Variants in COMMD1 observed in about 807,000 individuals in gnomAD.
COMMD1 encodes copper metabolism domain containing 1.
In COMMD1, 10 loss-of-function variants were observed where a neutral mutation model predicts 17.2. That is an observed-to-expected ratio of 0.58 (90% CI 0.36 to 0.99). The LOEUF (loss-of-function observed/expected upper bound fraction) is 0.99, where lower values mean the gene tolerates loss of function less well. Among genes scored for constraint, COMMD1 ranks in the 50% least tolerant of loss-of-function variants. COMMD1 has a pLI of 0.01. For missense variants in COMMD1, 270 were observed against 231.8 expected (o/e 1.17, Z -1.07); for synonymous variants, 97 against 91.6 (o/e 1.06, Z -0.34).
intron 2 of COMMD1, chr2:62,055,481 G>GTA: frequency 2.2e-6 from 1 of 455,990 alleles, no homozygotes; most frequent in South Asian, 1.5e-5. Context: ...AGCCCACTTT[G>GTA]TATATGTGGC....
intron 2 of COMMD1, among the ~76,000 whole-genome samples, chr2:62,059,858 G>T (rs971466023): frequency 1.3e-5 from 2 of 152,170 alleles, no homozygotes; most frequent in Non-Finnish European, 1.5e-5. Flanking sequence ...TTAGTATGTT[G>T]ACATGGTTGG....
intron 1 of COMMD1, among the ~76,000 whole-genome samples, chr2:61,944,748 T>C (rs1295889153): frequency 6.6e-6 from 1 of 152,132 alleles, no homozygotes; most frequent in Non-Finnish European, 1.5e-5. Context: ...GAAAACTCCA[T>C]AAAGAAAACA....
At chr2:62,002,619 G>C (rs527519872) in intron 2 of COMMD1, among the ~76,000 whole-genome samples, 1 of 151,544 alleles carries the variant, frequency 6.6e-6, no homozygotes, top group East Asian at 1.9e-4. Context: ...CTTGAGGTCA[G>C]GAGTTCAAGA....
intron 2 of COMMD1, among the ~76,000 whole-genome samples, chr2:62,068,116 C>T (rs1312240289): frequency 6.6e-6 from 1 of 152,144 alleles, no homozygotes; most frequent in East Asian, 1.9e-4. Context: ...CACTATAATA[C>T]TATATAGAGT....
At chr2:62,004,054 GA>G (rs1385565524) in intron 2 of COMMD1, among the ~76,000 whole-genome samples, 2 of 152,092 alleles carry the variant, frequency 1.3e-5, no homozygotes, top group East Asian at 3.9e-4. Context: ...CTTGAGCCCG[GA>G]AGGCGGAGGT....
intron 1 of COMMD1, among the ~76,000 whole-genome samples, chr2:61,953,451 C>T (rs1293684599): frequency 6.6e-6 from 1 of 151,544 alleles, no homozygotes; most frequent in Non-Finnish European, 1.5e-5. Flanking sequence ...TCACTGCAAC[C>T]TCCACCTCCT....
intron 1 of COMMD1, among the ~76,000 whole-genome samples, chr2:61,961,958 C>T (rs997141283): frequency 6.6e-6 from 1 of 151,932 alleles, no homozygotes; most frequent in Admixed American, 6.6e-5. Flanking sequence ...TAAAAAACTC[C>T]CTGAATTGTT....
chr2:61,956,947 C>T (rs1166776794), intron 1 of COMMD1, among the ~76,000 whole-genome samples: 2 of 151,890 alleles, frequency 1.3e-5, no homozygotes, highest in African/African-American at 2.4e-5. Context: ...GATGGGGTTT[C>T]ACCAGGTTGG....
intron 1 of COMMD1, among the ~76,000 whole-genome samples, chr2:61,992,830 T>G (rs1244947630): frequency 6.6e-6 from 1 of 152,208 alleles, no homozygotes; most frequent in Non-Finnish European, 1.5e-5. Context: ...ATTTAACAGA[T>G]AGTAATACAT....
chr2:62,049,910 GTTA>G (rs948694050), intron 2 of COMMD1, among the ~76,000 whole-genome samples: 89 of 129,384 alleles, frequency 6.9e-4, no homozygotes, highest in African/African-American at 3.4e-3. Flanking sequence ...TTAATATATT[GTTA>G]TTATTATCTG....
intron 2 of COMMD1, among the ~76,000 whole-genome samples, chr2:62,042,474 A>T (rs966506817): frequency 4.6e-4 from 70 of 152,190 alleles, no homozygotes; most frequent in Non-Finnish European, 4.0e-4. Context: ...CCGGCAACCC[A>T]GAAGGAGCTT....
intron 1 of COMMD1, among the ~76,000 whole-genome samples, chr2:61,912,665 G>A (rs1253417602): frequency 6.6e-6 from 1 of 151,718 alleles, no homozygotes; most frequent in African/African-American, 2.4e-5. Flanking sequence ...AACCTGGGAG[G>A]TGGAGGTTGC....
At chr2:61,914,432 G>T (rs1332184816) in intron 1 of COMMD1, among the ~76,000 whole-genome samples, 2 of 151,250 alleles carry the variant, frequency 1.3e-5, no homozygotes, top group Non-Finnish European at 2.9e-5. Flanking sequence ...CAAAAATTAG[G>T]CATGGTGGCG....
chr2:61,982,713 T>G (rs1282911303), intron 1 of COMMD1, among the ~76,000 whole-genome samples: 1 of 151,954 alleles, frequency 6.6e-6, no homozygotes, highest in African/African-American at 2.4e-5. Context: ...TCATCCCCGG[T>G]TTTTTTTGAC....
At chr2:61,943,871 G>C (rs553002614) in intron 1 of COMMD1, among the ~76,000 whole-genome samples, 2 of 152,104 alleles carry the variant, frequency 1.3e-5, no homozygotes, top group East Asian at 3.9e-4. Flanking sequence ...AAAATGACCA[G>C]CTCCTGTATG....
At chr2:62,048,565 G>T (rs1159415552) in intron 2 of COMMD1, among the ~76,000 whole-genome samples, 6 of 152,124 alleles carry the variant, frequency 3.9e-5, no homozygotes, top group Admixed American at 2.0e-4. Context: ...GGTCATGCAA[G>T]AATGAGGTGA....
At chr2:61,909,499 G>C (rs1012912394) in intron 1 of COMMD1, among the ~76,000 whole-genome samples, 3 of 152,140 alleles carry the variant, frequency 2.0e-5, no homozygotes, top group African/African-American at 7.2e-5. Flanking sequence ...TAGCATGGGT[G>C]GGGTAGGAAA....
intron 2 of COMMD1, among the ~76,000 whole-genome samples, chr2:62,071,841 C>T (rs962338567): frequency 8.6e-5 from 13 of 152,016 alleles, no homozygotes; most frequent in African/African-American, 2.9e-4. Flanking sequence ...GGAGTTTAGG[C>T]ACAACTGATT....
At chr2:61,906,810 A>G (rs1362080832) in intron 1 of COMMD1, among the ~76,000 whole-genome samples, 2 of 152,228 alleles carry the variant, frequency 1.3e-5, no homozygotes, top group Non-Finnish European at 1.5e-5. Context: ...CAGGGAATCT[A>G]AACAGCCTAA....
Sources: gnomAD v4.1 joint callset for allele counts (sites outside exome capture counted in the v4.1 genomes callset) on GRCh38, gnomAD v4.1.1 for gene constraint, MANE v1.5 for transcripts, NCBI Gene and HGNC (gene_info 2026-07-23, HGNC 2026-07-21) for gene names.